Variants in DIAPH2 observed in about 807,000 individuals in gnomAD.
DIAPH2 encodes the protein diaphanous related formin 2.
A neutral mutation model predicts 92.7 loss-of-function variants in DIAPH2; 35 were observed. The ratio of observed to expected loss-of-function variants is 0.38; its 90% CI spans 0.29 to 0.50. The LOEUF (loss-of-function observed/expected upper bound fraction) is 0.50. Among genes scored for constraint, DIAPH2 ranks in the 20% least tolerant of loss-of-function variants. The probability of loss-of-function intolerance (pLI) is 0.94; values close to 1 mark genes in which losing one functional copy is unlikely to be tolerated. For missense variants in DIAPH2, 701 were observed against 819.5 expected (o/e 0.86, Z 1.77); for synonymous variants, 301 against 280.4 (o/e 1.07, Z -0.73).
At chrX:96,898,412 G>A (rs757675106) in intron 5 of DIAPH2, among the ~76,000 whole-genome samples, 1,236 of 83,741 alleles carry the variant, frequency 0.015, 39 homozygotes, top group African/African-American at 0.043. Context: ...TTTAATGATT[G>A]CCATTCTAAC....
chrX:97,591,186 C>T (rs919532364), intron 26 of DIAPH2, among the ~76,000 whole-genome samples: 2 of 111,804 alleles, frequency 1.8e-5, no homozygotes, highest in African/African-American at 3.3e-5. Flanking sequence ...TTGTTGAAAT[C>T]CCCCTATCTT....
At chrX:96,953,442 A>G (rs1289715288) in intron 15 of DIAPH2, among the ~76,000 whole-genome samples, 1 of 111,861 alleles carries the variant, frequency 8.9e-6, no homozygotes, top group African/African-American at 3.2e-5. Context: ...TTTCATTAGT[A>G]TATTTTAAAC....
intron 22 of DIAPH2, among the ~76,000 whole-genome samples, chrX:97,181,706 G>A (rs1009104416): frequency 8.9e-5 from 10 of 112,513 alleles, no homozygotes; most frequent in East Asian, 8.5e-4. Flanking sequence ...CACCACGCCC[G>A]GCCTAGAGTG....
chrX:97,505,582 A>G (rs1358051064), intron 26 of DIAPH2, among the ~76,000 whole-genome samples: 2 of 111,319 alleles, frequency 1.8e-5, no homozygotes, highest in Non-Finnish European at 3.8e-5. Context: ...CATATGCAGT[A>G]CTTAATAAAG....
chrX:97,207,339 AGC>A (rs2067805846), intron 22 of DIAPH2, among the ~76,000 whole-genome samples: 3 of 112,016 alleles, frequency 2.7e-5, no homozygotes, highest in Non-Finnish European at 5.6e-5. Flanking sequence ...TCATTCAGCA[AGC>A]ATTTTAGGGA....
intron 26 of DIAPH2, among the ~76,000 whole-genome samples, chrX:97,494,923 CA>C (rs1340013523): frequency 8.9e-6 from 1 of 112,457 alleles, no homozygotes; most frequent in Non-Finnish European, 1.9e-5. Flanking sequence ...ATGCTCACCA[CA>C]GTAAGCTGCC....
intron 4 of DIAPH2, among the ~76,000 whole-genome samples, chrX:96,760,933 T>C (rs1356012085): frequency 9.0e-6 from 1 of 111,396 alleles, no homozygotes; most frequent in Non-Finnish European, 1.9e-5. Context: ...TATCCTCCAT[T>C]GTTCATTGTA....
intron 21 of DIAPH2, among the ~76,000 whole-genome samples, chrX:97,126,795 A>G (rs892595681): frequency 1.2e-4 from 13 of 112,718 alleles, no homozygotes; most frequent in African/African-American, 3.9e-4. Flanking sequence ...GAAGGAAAAA[A>G]CAATTCCAGC....
chrX:97,431,031 G>A lies in DIAPH2; in HGVS notation c.3241+1286G>A, dbSNP rs776963099. Reference sequence around the variant, plus strand: ...CTACAAAAAGGGTGGAAGACTGGACGAAAAAAAGAATGGAAGTCTGTATTT... The same window carrying A: ...CTACAAAAAGGGTGGAAGACTGGACAAAAAAAAGAATGGAAGTCTGTATTT... On this transcript the variant is annotated intron_variant, in intron 26 of 26. Coordinates refer to ENST00000324765, the MANE Select transcript of DIAPH2 (RefSeq NM_006729.5). Among the ~76,000 whole-genome samples the A allele has an allele frequency of 3.0e-4, 34 of 111,693 alleles. No homozygotes were observed. The South Asian group carries it at 0.011, about 37-fold the overall frequency.
chrX:97,036,799 T>G (rs1261099161), intron 17 of DIAPH2, among the ~76,000 whole-genome samples: 1 of 111,987 alleles, frequency 8.9e-6, no homozygotes, highest in Non-Finnish European at 1.9e-5. Context: ...GACTGCTCTT[T>G]GCTTTATGGG....
chrX:97,316,062 T>G (rs2068837270), intron 23 of DIAPH2, among the ~76,000 whole-genome samples: 1 of 111,656 alleles, frequency 9.0e-6, no homozygotes, highest in African/African-American at 3.3e-5. Flanking sequence ...TCTATCGATA[T>G]TTGTACTTGA....
At chrX:97,018,788 C>T (rs5921184) in intron 17 of DIAPH2, among the ~76,000 whole-genome samples, 43,587 of 110,158 alleles carry the variant, frequency 0.4, 6,551 homozygotes, top group South Asian at 0.52. Flanking sequence ...GTCCATAGTT[C>T]AGAGTTTACT....
intron 24 of DIAPH2, among the ~76,000 whole-genome samples, chrX:97,367,403 A>G (rs184216564): frequency 2.1e-4 from 23 of 111,859 alleles, no homozygotes; most frequent in East Asian, 2.8e-4. Context: ...TGCAATCACT[A>G]CTATATAACA....
At chrX:97,399,258 T>G (rs746045095) in intron 25 of DIAPH2, among the ~76,000 whole-genome samples, 8 of 111,333 alleles carry the variant, frequency 7.2e-5, no homozygotes, top group African/African-American at 9.8e-5. Flanking sequence ...TTGTTTGAGA[T>G]GGGACATAAG....
At chrX:97,015,535 C>T (rs1253319925) in intron 17 of DIAPH2, among the ~76,000 whole-genome samples, 1 of 111,495 alleles carries the variant, frequency 9.0e-6, no homozygotes, top group South Asian at 3.8e-4. Flanking sequence ...AATATGCTGA[C>T]CTTACATCAA....
At chrX:97,587,755 G>T (rs1208886680) in intron 26 of DIAPH2, among the ~76,000 whole-genome samples, 2 of 111,903 alleles carry the variant, frequency 1.8e-5, no homozygotes, top group Non-Finnish European at 1.9e-5. Flanking sequence ...TTGGAATTTG[G>T]CTCTCACAAT....
chrX:97,131,075 C>T (rs779699855), intron 21 of DIAPH2, among the ~76,000 whole-genome samples: 24 of 109,681 alleles, frequency 2.2e-4, no homozygotes, highest in African/African-American at 7.6e-4. Context: ...CACTGCACTC[C>T]AGCCTAGGTT....
chrX:97,228,596 G>C (rs887933048), intron 22 of DIAPH2, among the ~76,000 whole-genome samples: 1 of 111,464 alleles, frequency 9.0e-6, no homozygotes, highest in Non-Finnish European at 1.9e-5. Flanking sequence ...AAAATGAGCA[G>C]TTTACAATTA....
intron 18 of DIAPH2, among the ~76,000 whole-genome samples, chrX:97,073,678 G>T (rs186704937): frequency 1.1e-4 from 12 of 111,807 alleles, no homozygotes; most frequent in African/African-American, 3.6e-4. Context: ...AGATTTTGCT[G>T]ATACAAAAAC....
Sources: gnomAD v4.1 joint callset for allele counts (sites outside exome capture counted in the v4.1 genomes callset) on GRCh38, gnomAD v4.1.1 for gene constraint, MANE v1.5 for transcripts, NCBI Gene and HGNC (gene_info 2026-07-23, HGNC 2026-07-21) for gene names.